SHLD1: variants seen among roughly 807,000 people sequenced by gnomAD.
SHLD1 encodes the protein RINN1-REV7-interacting novel NHEJ regulator 3.
Under a neutral mutation model 5.5 loss-of-function variants are expected in SHLD1, and 3 were observed. That is an observed-to-expected ratio of 0.54 (90% CI 0.25 to 1.40). SHLD1 has a LOEUF of 1.40. Among genes scored for constraint, SHLD1 ranks in the 40% most tolerant of loss-of-function variants. The pLI is 0.15. For missense variants in SHLD1, 210 were observed against 244.4 expected, an observed-to-expected ratio of 0.86 and a Z score of 0.94; for synonymous variants, 92 against 94.3, an observed-to-expected ratio of 0.98 and a Z score of 0.14.
At chr20:5,824,354 C>T (rs978667101) in intron 2 of SHLD1, among the ~76,000 whole-genome samples, 6 of 152,222 alleles carry the variant, frequency 3.9e-5, no homozygotes, top group Non-Finnish European at 8.8e-5. Flanking sequence ...TCACCTCGCT[C>T]TCTATCCCCT....
intron 2 of SHLD1, among the ~76,000 whole-genome samples, chr20:5,813,351 G>A (rs1006451477): frequency 2.6e-5 from 4 of 152,196 alleles, no homozygotes; most frequent in East Asian, 1.9e-4. Context: ...ATAGCGAGGC[G>A]TGGTGGCACG....
chr20:5,833,797 GAGAA>G (rs921684623), intron 2 of SHLD1, among the ~76,000 whole-genome samples: 1 of 133,732 alleles, frequency 7.5e-6, no homozygotes, highest in African/African-American at 2.8e-5. Context: ...GAAAAAGAGA[GAGAA>G]AGAGAGAGGG....
intron 2 of SHLD1, among the ~76,000 whole-genome samples, chr20:5,825,677 G>A (rs1247266187): frequency 6.6e-6 from 1 of 152,196 alleles, no homozygotes; most frequent in Non-Finnish European, 1.5e-5. Context: ...GGAGATCAAG[G>A]CTGTAGTGAG....
chr20:5,833,791 AAGAG>A (rs912078008), intron 2 of SHLD1, among the ~76,000 whole-genome samples: 8 of 136,882 alleles, frequency 5.8e-5, no homozygotes, highest in African/African-American at 2.2e-4. Context: ...TAGGGAGAAA[AAGAG>A]AGAGAAAGAG....
intron 2 of SHLD1, among the ~76,000 whole-genome samples, chr20:5,794,214 A>G (rs991789760): frequency 2.0e-5 from 3 of 152,186 alleles, no homozygotes; most frequent in African/African-American, 7.2e-5. Context: ...GATGAGGACA[A>G]TAACACTATC....
chr20:5,780,056 G>A (rs1985621527), intron 2 of SHLD1, among the ~76,000 whole-genome samples: 1 of 131,226 alleles, frequency 7.6e-6, no homozygotes, highest in African/African-American at 3.0e-5. Flanking sequence ...TCAGCTCACT[G>A]CAACCTCTGC....
intron 2 of SHLD1, among the ~76,000 whole-genome samples, chr20:5,781,509 G>T (rs375944356): frequency 6.6e-6 from 1 of 152,018 alleles, no homozygotes; most frequent in Non-Finnish European, 1.5e-5. Context: ...ACTGAGTCTC[G>T]CTCTGTTGTC....
At chr20:5,796,810 C>T (rs8115230) in intron 2 of SHLD1, among the ~76,000 whole-genome samples, 33,175 of 143,918 alleles carry the variant, frequency 0.23, 3,921 homozygotes, top group Middle Eastern at 0.34. Flanking sequence ...GCCTGGACAA[C>T]AGGACAAGAC....
At chr20:5,759,103 C>T (rs1264555686) in intron 1 of SHLD1, among the ~76,000 whole-genome samples, 6 of 151,496 alleles carry the variant, frequency 4.0e-5, no homozygotes, top group East Asian at 2.0e-4. Flanking sequence ...TACAGGCACC[C>T]GCCACCACGC....
At chr20:5,783,274 GAGTGC>G (rs2087011151) in intron 2 of SHLD1, among the ~76,000 whole-genome samples, 1 of 152,144 alleles carries the variant, frequency 6.6e-6, no homozygotes, top group Admixed American at 6.6e-5. Context: ...ACCCAGGCTG[GAGTGC>G]AGTGGCAAGG....
chr20:5,766,350 C>G (rs1017767058), intron 1 of SHLD1, among the ~76,000 whole-genome samples: 5 of 152,218 alleles, frequency 3.3e-5, no homozygotes, highest in Non-Finnish European at 5.9e-5. Context: ...TTGGCTCACT[C>G]TCAGCCTGAG....
At chr20:5,754,018 C>T (rs1195815922) in intron 1 of SHLD1, among the ~76,000 whole-genome samples, 1 of 152,092 alleles carries the variant, frequency 6.6e-6, no homozygotes, top group Admixed American at 6.6e-5. Context: ...CAAACGACGC[C>T]GCTTCAGAAG....
intron 2 of SHLD1, among the ~76,000 whole-genome samples, chr20:5,804,364 TAC>T (rs1491019137): frequency 1.4e-5 from 2 of 145,150 alleles, no homozygotes; most frequent in African/African-American, 5.2e-5. Context: ...TATATATATA[TAC>T]AGTTACTGTA....
At chr20:5,838,743 A>G (rs964423355) in intron 2 of SHLD1, among the ~76,000 whole-genome samples, 1 of 152,214 alleles carries the variant, frequency 6.6e-6, no homozygotes, top group Non-Finnish European at 1.5e-5. Context: ...GCGCCACTGC[A>G]CTCCAGCCTG....
At chr20:5,834,392 T>C (rs1185616541) in intron 2 of SHLD1, among the ~76,000 whole-genome samples, 1 of 152,180 alleles carries the variant, frequency 6.6e-6, no homozygotes, top group African/African-American at 2.4e-5. Flanking sequence ...TATAATAATA[T>C]AGGCAAAAAA....
Position 5,778,214 on chromosome 20 carries a change from T to TCACGCCATTCTCCTGCGTC in SHLD1, c.178+5172_178+5190dup, listed in dbSNP as rs1555770723. On this transcript the variant is annotated intron_variant, in intron 2 of 2. Coordinates refer to ENST00000303142, the MANE Select transcript of SHLD1 (RefSeq NM_152504.4). Reference sequence around the variant, plus strand: ...TCACTGCAAGCTCCGCCTCCTGGGTTCACGCCATTCTCCTGCGTCAGCCTC... The same window carrying TCACGCCATTCTCCTGCGTC: ...TCACTGCAAGCTCCGCCTCCTGGGTTCACGCCATTCTCCTGCGTCCACGCCATTCTCCTGCGTCAGCCTC... Among the ~76,000 whole-genome samples the TCACGCCATTCTCCTGCGTC allele has an allele frequency of 2.3e-3, 345 of 150,112 alleles. 4 individuals are homozygous for TCACGCCATTCTCCTGCGTC. The East Asian group carries it at 0.029, about 13-fold the overall frequency.
In SHLD1 at chr20:5,801,842, A is replaced by G. The variant is rs187931567; in HGVS notation, c.178+28799A>G. Among the ~76,000 whole-genome samples the G allele has an allele frequency of 1.5e-3, 236 of 152,272 alleles. 3 individuals carry two copies. The highest frequency in any genetic ancestry group is 5.2e-3 in the African/African-American group (216 of 41,568). On this transcript the variant is annotated intron_variant, in intron 2 of 2. Coordinates refer to ENST00000303142, the MANE Select transcript of SHLD1 (RefSeq NM_152504.4). ...ATTAGGAGGAGTGCTCTATTTTAAC[A>G]TTTGGAAATGTCTTAACATTTGATC...
intron 2 of SHLD1, among the ~76,000 whole-genome samples, chr20:5,819,587 T>G (rs2087581513): frequency 6.6e-6 from 1 of 152,172 alleles, no homozygotes; most frequent in Non-Finnish European, 1.5e-5. Flanking sequence ...TTTGGGAGGC[T>G]GAGACAGGAG....
At chr20:5,839,578 T>G (rs1189688942) in intron 2 of SHLD1, among the ~76,000 whole-genome samples, 2 of 152,162 alleles carry the variant, frequency 1.3e-5, no homozygotes, top group Non-Finnish European at 2.9e-5. Flanking sequence ...CACAGATGTG[T>G]GGAAGTACAT....
Sources: gnomAD v4.1 joint callset for allele counts (sites outside exome capture counted in the v4.1 genomes callset) on GRCh38, gnomAD v4.1.1 for gene constraint, MANE v1.5 for transcripts, NCBI Gene and HGNC (gene_info 2026-07-23, HGNC 2026-07-21) for gene names.